ALCAM: variants seen among roughly 807,000 people sequenced by gnomAD.
ALCAM encodes the protein activated leukocyte cell adhesion molecule.
A neutral mutation model predicts 70.9 loss-of-function variants in ALCAM; 30 were observed. That is an observed-to-expected ratio of 0.42 (90% CI 0.32 to 0.57). The LOEUF (loss-of-function observed/expected upper bound fraction) is 0.57, where lower values mean the gene tolerates loss of function less well. Among genes scored for constraint, ALCAM ranks in the 20% least tolerant of loss-of-function variants. ALCAM has a pLI of 0.11. For synonymous variants in ALCAM, 249 were observed against 242.5 expected (o/e 1.03, Z -0.25); for missense variants, 591 against 695.1 (o/e 0.85, Z 1.68).
rs1007186597 is a variant in ALCAM, at chr3:105,550,000, C to T, written c.1375-127C>T. 6 of 703,876 alleles carry T rather than the reference C, an allele frequency of 8.5e-6. No homozygotes were observed. In the East Asian group the frequency reaches 1.1e-4, roughly 13 times the overall value. The allele number at this position is 703,876 out of a possible 1,614,324, so 43.6% of individuals were successfully genotyped here. On this transcript the variant is annotated intron_variant, in intron 11 of 15. Transcript: ENST00000306107. ...ACATGGGTCTTGATCTATGATCTTA[C>T]ATAGCTTTTGAACACCAGAATGCTC...
At chr3:105,393,308 T>TA (rs533931489) in intron 1 of ALCAM, among the ~76,000 whole-genome samples, 1,932 of 148,612 alleles carry the variant, frequency 0.013, 25 homozygotes, top group African/African-American at 0.027. Flanking sequence ...GGATATCTAC[T>TA]AAAAAAAAAA....
rs768851829 is a variant in ALCAM, at chr3:105,539,967, T to G, written c.731-8T>G. ...AAAATGGTTAACTTGTGTCTGTAACTCTTACAGATCCTACAGAGCAGGTGA... is the reference window on the plus strand; with the variant it reads ...AAAATGGTTAACTTGTGTCTGTAACGCTTACAGATCCTACAGAGCAGGTGA... On this transcript the variant is annotated splice_polypyrimidine_tract_variant and splice_region_variant and intron_variant, in intron 6 of 15. Transcript: ENST00000306107. The G allele has an allele frequency of 6.2e-7, 1 of 1,611,182 alleles. No individual in the cohort carries two copies. The highest frequency in any genetic ancestry group is 2.2e-5 in the East Asian group (1 of 44,800).
At chr3:105,444,230 C>A (rs950111794) in intron 1 of ALCAM, among the ~76,000 whole-genome samples, 1 of 152,150 alleles carries the variant, frequency 6.6e-6, no homozygotes, top group African/African-American at 2.4e-5. Context: ...ATACCCAAGA[C>A]TGGGTAATTT....
At chr3:105,386,678 C>A (rs901949245) in intron 1 of ALCAM, among the ~76,000 whole-genome samples, 12 of 148,230 alleles carry the variant, frequency 8.1e-5, no homozygotes, top group African/African-American at 3.0e-4. Context: ...ATATATATAT[C>A]TGTAATTGTT....
chr3:105,458,996 CAGTT>C (rs1393992434), intron 1 of ALCAM, among the ~76,000 whole-genome samples: 1 of 152,148 alleles, frequency 6.6e-6, no homozygotes, highest in Non-Finnish European at 1.5e-5. Flanking sequence ...TTTTCTCACT[CAGTT>C]ATTCACACAA....
chr3:105,506,483 T>C (rs1366406488), intron 1 of ALCAM, among the ~76,000 whole-genome samples: 2 of 152,216 alleles, frequency 1.3e-5, no homozygotes, highest in African/African-American at 2.4e-5. Context: ...GTTTCAGTTA[T>C]AGATTCATAA....
chr3:105,421,038 T>A (rs1936638989), intron 1 of ALCAM, among the ~76,000 whole-genome samples: 1 of 151,498 alleles, frequency 6.6e-6, no homozygotes, highest in South Asian at 2.1e-4. Context: ...GAGAAAATGA[T>A]CTATAGTAAA....
rs186250585 is a variant in ALCAM at position 105,474,185 on chromosome 3, G to A, written c.74-45882G>A. On this transcript the variant is annotated intron_variant, in intron 1 of 15. Transcript: ENST00000306107. ...TTTCCAACAACATCAAATAGATTAT[G>A]TAGACTTTGTTACAAGAATTTTGAT... Among the ~76,000 whole-genome samples the A allele has an allele frequency of 5.9e-5, 9 of 151,820 alleles. No homozygotes were observed. The East Asian group carries it at 7.7e-4, about 13-fold the overall frequency.
chr3:105,438,855 G>A (rs1467591822), intron 1 of ALCAM, among the ~76,000 whole-genome samples: 1 of 152,020 alleles, frequency 6.6e-6, no homozygotes, highest in Non-Finnish European at 1.5e-5. Flanking sequence ...CTGGGCCACA[G>A]AGTGAGATCT....
At chr3:105,423,470 A>AT (rs200993140) in intron 1 of ALCAM, among the ~76,000 whole-genome samples, 73 of 146,978 alleles carry the variant, frequency 5.0e-4, no homozygotes, top group Admixed American at 2.4e-3. Flanking sequence ...GCTACTAGGC[A>AT]TTTTTTTTTA....
At chr3:105,397,821 A>G (rs1935992183) in intron 1 of ALCAM, among the ~76,000 whole-genome samples, 1 of 152,136 alleles carries the variant, frequency 6.6e-6, no homozygotes, top group Non-Finnish European at 1.5e-5. Context: ...TATTTATTTG[A>G]CAACACTAAA....
At chr3:105,512,345 G>T (rs1330752958) in intron 1 of ALCAM, among the ~76,000 whole-genome samples, 1 of 38,828 alleles carries the variant, frequency 2.6e-5, no homozygotes, top group African/African-American at 6.3e-5. Flanking sequence ...CATTATGCCT[G>T]CCTTTCTGTT....
At chr3:105,448,503 C>A (rs999696465) in intron 1 of ALCAM, among the ~76,000 whole-genome samples, 1 of 152,016 alleles carries the variant, frequency 6.6e-6, no homozygotes, top group African/African-American at 2.4e-5. Flanking sequence ...TAGCCAATTC[C>A]AACCTAGAGC....
At chr3:105,517,597 A>G (rs901918359) in intron 1 of ALCAM, among the ~76,000 whole-genome samples, 1 of 152,174 alleles carries the variant, frequency 6.6e-6, no homozygotes, top group Non-Finnish European at 1.5e-5. Context: ...CAAGTAATCA[A>G]TCTTTAATTT....
At chr3:105,407,240 G>A (rs928660943) in intron 1 of ALCAM, among the ~76,000 whole-genome samples, 4 of 144,194 alleles carry the variant, frequency 2.8e-5, no homozygotes, top group African/African-American at 1.0e-4. Context: ...AACCAGAGAA[G>A]GACATAACAA....
intron 1 of ALCAM, among the ~76,000 whole-genome samples, chr3:105,471,932 A>T (rs1245433988): frequency 6.6e-6 from 1 of 151,382 alleles, no homozygotes; most frequent in Non-Finnish European, 1.5e-5. Flanking sequence ...TTTGACCAGC[A>T]TCTTCCCAAC....
chr3:105,367,595 A>G lies in ALCAM; in HGVS notation c.73+114A>G. 3 of 1,236,822 alleles carry G rather than the reference A, an allele frequency of 2.4e-6. No individual in the cohort carries two copies. In the South Asian group the frequency reaches 3.9e-5, roughly 16 times the overall value. 76.6% of individuals were successfully genotyped at this position (1,236,822 alleles called of 1,614,324 possible). ...GTGCGCCCAGGCGCGTGGTGGAGGT[A>G]AGGGGACCGCTGTCCTGGCACAGAG... On this transcript the variant is annotated intron_variant, in intron 1 of 15. Coordinates refer to ENST00000306107, the MANE Select transcript of ALCAM (RefSeq NM_001627.4).
intron 1 of ALCAM, among the ~76,000 whole-genome samples, chr3:105,459,550 C>A (rs1937576132): frequency 6.6e-6 from 1 of 151,914 alleles, no homozygotes; most frequent in South Asian, 2.1e-4. Flanking sequence ...ATGGTCCAAG[C>A]CCTATTGTAT....
At chr3:105,410,831 G>GTAT (rs1936368576) in intron 1 of ALCAM, among the ~76,000 whole-genome samples, 1 of 79,016 alleles carries the variant, frequency 1.3e-5, no homozygotes, top group Non-Finnish European at 2.5e-5. Context: ...TGATTGTGGG[G>GTAT]CACTTTGAAA....
Sources: allele counts gnomAD v4.1 joint callset (sites outside exome capture counted in the v4.1 genomes callset), GRCh38; gene constraint gnomAD v4.1.1; transcripts MANE v1.5; gene names NCBI Gene and HGNC (gene_info 2026-07-23, HGNC 2026-07-21).